Variants in MDGA2 observed in about 807,000 individuals in gnomAD.
MDGA2 encodes the protein MAM domain containing glycosylphosphatidylinositol anchor 2.
A neutral mutation model predicts 117.8 loss-of-function variants in MDGA2; 40 were observed. The ratio of observed to expected loss-of-function variants is 0.34; its 90% CI spans 0.26 to 0.44. The LOEUF is 0.44. Among genes scored for constraint, MDGA2 ranks in the 20% least tolerant of loss-of-function variants. MDGA2 has a pLI of 1.00. For missense variants in MDGA2, 1,123 were observed against 1,250.6 expected (o/e 0.90, Z 1.54); for synonymous variants, 452 against 439.0 (o/e 1.03, Z -0.37).
At chr14:47,383,370 T>A (rs1335359268) in intron 1 of MDGA2, among the ~76,000 whole-genome samples, 3 of 151,988 alleles carry the variant, frequency 2.0e-5, no homozygotes, top group Non-Finnish European at 4.4e-5. Context: ...AAGAAAAATA[T>A]ACTGGATTAC....
At chr14:47,083,435 A>G (rs1311125819) in intron 6 of MDGA2, among the ~76,000 whole-genome samples, 1 of 151,650 alleles carries the variant, frequency 6.6e-6, no homozygotes, top group Non-Finnish European at 1.5e-5. Flanking sequence ...ATACTTAGTG[A>G]AAGGAATAGG....
At chr14:47,235,883 GGCT>G (rs1270436758) in intron 2 of MDGA2, among the ~76,000 whole-genome samples, 1 of 152,096 alleles carries the variant, frequency 6.6e-6, no homozygotes, top group Non-Finnish European at 1.5e-5. Flanking sequence ...TGACCCCAGT[GGCT>G]GCTCAGGAAG....
At chr14:47,399,437 C>T (rs551239169) in intron 1 of MDGA2, among the ~76,000 whole-genome samples, 2 of 152,304 alleles carry the variant, frequency 1.3e-5, no homozygotes, top group Non-Finnish European at 2.9e-5. Flanking sequence ...AATTGTCCAA[C>T]ATCTGCTTCT....
chr14:47,123,830 T>C (rs761306026), intron 5 of MDGA2, among the ~76,000 whole-genome samples: 10 of 152,068 alleles, frequency 6.6e-5, no homozygotes, highest in Non-Finnish European at 1.0e-4. Flanking sequence ...AAGATGCCCA[T>C]GTGTTATTAT....
chr14:47,604,197 G>A (rs1896698699), intron 1 of MDGA2, among the ~76,000 whole-genome samples: 1 of 152,080 alleles, frequency 6.6e-6, no homozygotes, highest in Non-Finnish European at 1.5e-5. Flanking sequence ...AAACTTGGAA[G>A]GAATATTTGT....
chr14:47,043,398 C>A (rs1889146074), intron 7 of MDGA2, among the ~76,000 whole-genome samples: 1 of 151,880 alleles, frequency 6.6e-6, no homozygotes, highest in Non-Finnish European at 1.5e-5. Flanking sequence ...TATGCAGCAC[C>A]TAAATTTTTT....
intron 7 of MDGA2, among the ~76,000 whole-genome samples, chr14:47,045,081 C>T (rs1272969391): frequency 2.0e-5 from 3 of 152,060 alleles, no homozygotes; most frequent in African/African-American, 7.2e-5. Flanking sequence ...CTGAGGGATT[C>T]AATAGAATAC....
intron 1 of MDGA2, among the ~76,000 whole-genome samples, chr14:47,449,859 A>C (rs1280268668): frequency 6.6e-6 from 1 of 152,132 alleles, no homozygotes; most frequent in Non-Finnish European, 1.5e-5. Context: ...ATTTAAAAAG[A>C]GTTGCTACCT....
chr14:47,099,378 T>A (rs1880166873), intron 5 of MDGA2, among the ~76,000 whole-genome samples: 1 of 151,920 alleles, frequency 6.6e-6, no homozygotes, highest in Non-Finnish European at 1.5e-5. Context: ...GAGTAAAAAC[T>A]GATATAGGAA....
chr14:47,082,775 A>C (rs1890755032), intron 6 of MDGA2, among the ~76,000 whole-genome samples: 1 of 152,060 alleles, frequency 6.6e-6, no homozygotes, highest in South Asian at 2.1e-4. Context: ...TTCTCAGATA[A>C]AAACAGTAAA....
intron 1 of MDGA2, among the ~76,000 whole-genome samples, chr14:47,337,666 A>G (rs1890501289): frequency 6.6e-6 from 1 of 152,038 alleles, no homozygotes. Context: ...ATAAAGGAGG[A>G]GAAAGAGACA....
At chr14:47,417,481 C>T (rs148939622) in intron 1 of MDGA2, among the ~76,000 whole-genome samples, 128 of 152,266 alleles carry the variant, frequency 8.4e-4, no homozygotes, top group African/African-American at 2.8e-3. Flanking sequence ...ACATTCTCTC[C>T]AGGATTACTC....
chr14:46,937,214 A>AC (rs547110199), intron 9 of MDGA2, among the ~76,000 whole-genome samples: 512 of 141,932 alleles, frequency 3.6e-3, no homozygotes, highest in African/African-American at 0.01. Context: ...CTCCCCCGAC[A>AC]CCCCCCCCAA....
At position 47,665,992 on chromosome 14, in the gene MDGA2, C is replaced by T. The variant is rs949277011; in HGVS notation, c.280+8525G>A. 3.9e-5 allele frequency among the ~76,000 whole-genome samples: 6 copies of T among 151,918 alleles called. 1 individual carries two copies. Among genetic ancestry groups the T allele is most frequent in the South Asian group, 2.1e-4 (1 of 4,802 alleles). ...GGCAGCTCCACCTGTGGCCCTGGTG[C>T]GAGATCCACTGGGTGAAGCCAGCTG... is the stretch of plus-strand genomic sequence containing the variant. On this transcript the variant is annotated intron_variant, in intron 1 of 16. Transcript: ENST00000399232.
intron 1 of MDGA2, among the ~76,000 whole-genome samples, chr14:47,394,775 A>C (rs1273122409): frequency 1.3e-5 from 2 of 152,196 alleles, no homozygotes; most frequent in Non-Finnish European, 2.9e-5. Flanking sequence ...TATGATCATG[A>C]ATTACACTCA....
At chr14:47,533,961 T>C (rs956986218) in intron 1 of MDGA2, among the ~76,000 whole-genome samples, 2 of 152,200 alleles carry the variant, frequency 1.3e-5, no homozygotes, top group African/African-American at 4.8e-5. Flanking sequence ...GTAAAATTCA[T>C]CACTATAAAA....
chr14:47,378,101 C>T (rs1195775376), intron 1 of MDGA2, among the ~76,000 whole-genome samples: 1 of 152,182 alleles, frequency 6.6e-6, no homozygotes, highest in East Asian at 1.9e-4. Flanking sequence ...CAAACAGGGT[C>T]TGGAGTGGAC....
intron 1 of MDGA2, among the ~76,000 whole-genome samples, chr14:47,598,890 C>T (rs1896594529): frequency 6.6e-6 from 1 of 152,116 alleles, no homozygotes; most frequent in African/African-American, 2.4e-5. Context: ...AAATAAGGTT[C>T]AAAGACTTTC....
chr14:47,447,786 C>T (rs1893154566), intron 1 of MDGA2, among the ~76,000 whole-genome samples: 1 of 152,196 alleles, frequency 6.6e-6, no homozygotes, highest in Non-Finnish European at 1.5e-5. Context: ...TAGATGAGGA[C>T]ACAGCTCCAG....
Sources: gnomAD v4.1 joint callset for allele counts (sites outside exome capture counted in the v4.1 genomes callset) on GRCh38, gnomAD v4.1.1 for gene constraint, MANE v1.5 for transcripts, NCBI Gene and HGNC (gene_info 2026-07-23, HGNC 2026-07-21) for gene names.